AXDND1: variants seen among roughly 807,000 people sequenced by gnomAD.
AXDND1 encodes the protein axonemal dynein light chain domain containing 1.
AXDND1 carries 110 observed loss-of-function variants against 137.5 expected under a neutral mutation model. The ratio of observed to expected loss-of-function variants is 0.80; its 90% confidence interval spans 0.69 to 0.94. AXDND1 has a LOEUF of 0.94. Ranked by LOEUF, AXDND1 falls within the 40% of genes least tolerant of loss-of-function variation. The pLI is 0.00. For synonymous variants in AXDND1, 414 were observed against 399.7 expected, an observed-to-expected ratio of 1.04 and a Z score of -0.43; for missense variants, 1,191 against 1,169.8, an observed-to-expected ratio of 1.02 and a Z score of -0.26.
chr1:179,431,811 G>A (rs543765264), intron 14 of AXDND1, among the ~76,000 whole-genome samples: 21 of 152,244 alleles, frequency 1.4e-4, no homozygotes, highest in African/African-American at 4.1e-4. Context: ...TTTAGCTTCA[G>A]AAGCTTATTT....
intron 21 of AXDND1, among the ~76,000 whole-genome samples, chr1:179,512,212 C>G (rs540241562): frequency 1.3e-4 from 20 of 152,172 alleles, no homozygotes; most frequent in Middle Eastern, 3.4e-3. Context: ...GATTTAAGTC[C>G]TTAATCCATC....
intron 25 of AXDND1, 48 bp downstream of exon 25, chr1:179,535,010 G>A: frequency 6.2e-7 from 1 of 1,605,644 alleles, no homozygotes; most frequent in Non-Finnish European, 8.5e-7. Context: ...ATTTATGAAA[G>A]AAAATTTGAC....
At chr1:179,436,873 G>A (rs1658230545) in intron 15 of AXDND1, among the ~76,000 whole-genome samples, 1 of 151,694 alleles carries the variant, frequency 6.6e-6, no homozygotes, top group Non-Finnish European at 1.5e-5. Flanking sequence ...AAAAGTCTAT[G>A]TTGAACACAA....
At chr1:179,504,153 C>T (rs967092482) in intron 20 of AXDND1, among the ~76,000 whole-genome samples, 3 of 152,180 alleles carry the variant, frequency 2.0e-5, no homozygotes, top group Non-Finnish European at 4.4e-5. Context: ...CACTTCTCAT[C>T]TAAGAGTTGA....
rs1571552534 is a variant in AXDND1 at position 179,379,568 on chromosome 1, T to G, written c.581+86T>G. ...CAGCACTTTGCGAGGCCAAGGCGGG[T>G]GGATCATCTGAGGTCAGGAGTTCAA... On this transcript the variant is annotated intron_variant, in intron 6 of 25. Transcript: ENST00000367618. 2.6e-6 allele frequency: 4 copies of G among 1,516,328 alleles called. No individual in the cohort carries two copies. In the South Asian group the frequency reaches 4.9e-5, roughly 19 times the overall value. 93.9% of individuals were successfully genotyped at this position (1,516,328 alleles called of 1,614,324 possible).
chr1:179,535,578 A>G (rs1572200803), intron 25 of AXDND1, among the ~76,000 whole-genome samples: 2 of 152,144 alleles, frequency 1.3e-5, no homozygotes, highest in Non-Finnish European at 2.9e-5. Flanking sequence ...GCTGCATAGT[A>G]TTCCATGGTG....
At chr1:179,464,572 T>C (rs941506195) in intron 16 of AXDND1, among the ~76,000 whole-genome samples, 1 of 152,158 alleles carries the variant, frequency 6.6e-6, no homozygotes. Context: ...TCAACTTTGG[T>C]GAATCTGACA....
At chr1:179,491,444 C>T (rs1666885643) in intron 18 of AXDND1, 94 bp from the exon 19 acceptor site, 2 of 827,966 alleles carry the variant, frequency 2.4e-6, no homozygotes, top group Non-Finnish European at 3.8e-6. Flanking sequence ...AAGTTGGACA[C>T]AGGCACGATC....
chr1:179,487,852 C>T (rs9786979), intron 18 of AXDND1, among the ~76,000 whole-genome samples: 73,333 of 146,298 alleles, frequency 0.5, 21,513 homozygotes, highest in East Asian at 0.76. Flanking sequence ...AACAATTAGC[C>T]GGGCATGGTG....
rs550461692 is a variant in AXDND1 at position 179,505,681 on chromosome 1, A to T, written c.2389-3615A>T. ...AAAAAGAAAAAAGAAAAACAGAAAAAAATTGAAGATCTCCTAGGTAACCAT... is the reference window on the plus strand; with the variant it reads ...AAAAAGAAAAAAGAAAAACAGAAAATAATTGAAGATCTCCTAGGTAACCAT... On this transcript the variant is annotated intron_variant, in intron 20 of 25. Coordinates refer to ENST00000367618, the MANE Select transcript of AXDND1 (RefSeq NM_144696.6). 1.3e-4 allele frequency among the ~76,000 whole-genome samples: 20 copies of T among 152,138 alleles called. No individual in the cohort carries two copies. In the South Asian group the frequency reaches 3.7e-3, roughly 29 times the overall value.
chr1:179,372,675 C>A (rs59334094), intron 4 of AXDND1, among the ~76,000 whole-genome samples: 16,482 of 151,944 alleles, frequency 0.11, 1,070 homozygotes, highest in East Asian at 0.35. Context: ...AAACATATCT[C>A]TAATTATTAT....
intron 9 of AXDND1, among the ~76,000 whole-genome samples, chr1:179,388,037 G>T (rs1429194793): frequency 6.6e-6 from 1 of 152,186 alleles, no homozygotes; most frequent in East Asian, 1.9e-4. Context: ...TTAACTCAGA[G>T]AGTCAACTGG....
At chr1:179,466,359 C>CA (rs1663200672) in intron 16 of AXDND1, among the ~76,000 whole-genome samples, 1 of 142,094 alleles carries the variant, frequency 7.0e-6, no homozygotes, top group Non-Finnish European at 1.5e-5. Flanking sequence ...CTCCTAAGCT[C>CA]AAGCAGTCCT....
chr1:179,372,301 G>T (rs1368866992), intron 4 of AXDND1, among the ~76,000 whole-genome samples: 2 of 152,182 alleles, frequency 1.3e-5, no homozygotes, highest in Non-Finnish European at 2.9e-5. Context: ...AGAATCAAAT[G>T]CAGAACATTG....
intron 9 of AXDND1, among the ~76,000 whole-genome samples, chr1:179,392,892 T>G (rs1431413231): frequency 6.6e-6 from 1 of 152,196 alleles, no homozygotes; most frequent in Non-Finnish European, 1.5e-5. Context: ...GGTGCATAGT[T>G]TATGAATATT....
intron 21 of AXDND1, among the ~76,000 whole-genome samples, chr1:179,515,672 A>G (rs1669469557): frequency 6.6e-6 from 1 of 152,128 alleles, no homozygotes; most frequent in Non-Finnish European, 1.5e-5. Context: ...TATGTTTTCC[A>G]AACTTTTAGA....
At chr1:179,429,461 A>C in intron 12 of AXDND1, 57 bp from the exon 13 acceptor site, 1 of 885,406 alleles carries the variant, frequency 1.1e-6, no homozygotes, top group South Asian at 2.2e-5. Flanking sequence ...CACTGTAATA[A>C]ATTATAGTGG....
rs753337602 is a variant in AXDND1, at chr1:179,432,324, C to T, written c.1545C>T (p.Asp515=). 2.8e-5 allele frequency: 44 copies of T among 1,571,118 alleles called. No individual in the cohort carries two copies. In the East Asian group the frequency reaches 4.8e-4, roughly 17 times the overall value. The change falls in exon 15 of 26, where the codon GAC becomes GAT. Residue 515 remains aspartate, a synonymous_variant. Coordinates refer to ENST00000367618, the MANE Select transcript of AXDND1 (RefSeq NM_144696.6). ...KGNIFNSVLL[D]FKQWQKILNE... is the part of the protein sequence containing the mutation. ...ATATATTTAATTCAGTTCTTTTAGA[C>T]TTCAAACAGTGGCAGAAGGTAAGAC...
chr1:179,521,354 TG>T (rs2125675507), intron 21 of AXDND1, among the ~76,000 whole-genome samples: 1 of 152,342 alleles, frequency 6.6e-6, no homozygotes, highest in Non-Finnish European at 1.5e-5. Flanking sequence ...AGTTTTTCAG[TG>T]GATTCTTTGG....
Sources: gnomAD v4.1 joint callset for allele counts (sites outside exome capture counted in the v4.1 genomes callset) on GRCh38, gnomAD v4.1.1 for gene constraint, MANE v1.5 for transcripts, NCBI Gene and HGNC (gene_info 2026-07-23, HGNC 2026-07-21) for gene names.